The following BSN variants were observed in gnomAD, a reference collection of about 807,000 sequenced individuals.
BSN encodes the protein bassoon presynaptic cytomatrix protein, also known as protein bassoon.
Under a neutral mutation model 264.8 loss-of-function variants are expected in BSN, and 57 were observed. The observed-to-expected ratio is 0.22, with a 90% CI of 0.17 to 0.27. The LOEUF (loss-of-function observed/expected upper bound fraction) is 0.27. BSN is among the 10% of genes least tolerant of loss of function. BSN has a pLI of 1.00. For missense variants in BSN, 4,615 were observed against 5,232.5 expected (o/e 0.88, Z 3.64); for synonymous variants, 2,059 against 2,137.3 (o/e 0.96, Z 1.01).
chr3:49,577,787 G>A (rs1002860024), intron 1 of BSN, among the ~76,000 whole-genome samples: 1 of 152,060 alleles, frequency 6.6e-6, no homozygotes, highest in Non-Finnish European at 1.5e-5. Context: ...TAATCCACCC[G>A]CCTCGGCCTC....
chr3:49,643,134 A>C lies in BSN; in HGVS notation c.1500A>C (p.Pro500=). The C allele has an allele frequency of 3.1e-6, 5 of 1,609,014 alleles. No individual in the cohort carries two copies. Among genetic ancestry groups the C allele is most frequent in the South Asian group, 2.2e-5 (2 of 90,952 alleles). The change falls in exon 3 of 12, where the codon CCA becomes CCC. Residue 500 remains proline, a synonymous_variant. Coordinates refer to ENST00000296452, the MANE Select transcript of BSN (RefSeq NM_003458.4). The part of the protein sequence containing the change: ...LQVCNLCGFN[P]TPHLVEKTEW... ...TGTGCAACCTGTGTGGCTTCAACCC[A>C]ACACCCCACCTGGTGGAGGTAAGAG...
At position 49,653,237 on chromosome 3, in the gene BSN, C is replaced by A; in HGVS notation, c.3681C>A (p.Phe1227Leu). ...CAGGCCCCCGGGGCCTGGGCTCCTTCGAATATCAAGACACTACAGACCGTG... is the reference window on the plus strand; with the variant it reads ...CAGGCCCCCGGGGCCTGGGCTCCTTAGAATATCAAGACACTACAGACCGTG... ...QPTGPRGLGS[F>L]EYQDTTDREY... Residue 1227 changes from phenylalanine (F) to leucine (L), a missense_variant, in exon 5 of 12, where the codon TTC (phenylalanine) becomes TTA (leucine). Coordinates refer to ENST00000296452, the MANE Select transcript of BSN (RefSeq NM_003458.4). The surrounding 1 kb of genome is among the most constrained non-coding windows in gnomAD (Gnocchi z 6.3). 1 of 1,612,466 alleles carries A rather than the reference C, an allele frequency of 6.2e-7. No individual in the cohort carries two copies.
intron 1 of BSN, among the ~76,000 whole-genome samples, chr3:49,588,445 T>C (rs533939069): frequency 6.6e-6 from 1 of 152,184 alleles, no homozygotes; most frequent in African/African-American, 2.4e-5. Context: ...TTGAGGTATG[T>C]TCCTTCTATC....
At position 49,656,528 on chromosome 3, in the gene BSN, A is replaced by C. The variant is rs763641865; in HGVS notation, c.6972A>C (p.Gly2324=). Residue 2324 remains glycine (G), a synonymous_variant, in exon 5 of 12, where the codon GGA becomes GGC. Transcript: ENST00000296452. ...TTPAAIKEAA[G]APAPAPLAGQ... ...CTGCTGCCATCAAGGAGGCTGCAGG[A>C]GCCCCAGCTCCTGCCCCACTAGCTG... 6.4e-7 allele frequency: 1 copy of C among 1,570,952 alleles called. No homozygotes were observed. The highest frequency in any genetic ancestry group is 8.6e-7 in the Non-Finnish European group (1 of 1,158,038).
In BSN at chr3:49,642,523, C is replaced by A; in HGVS notation, c.889C>A (p.Pro297Thr). Residue 297 changes from proline (P) to threonine (T), a missense_variant, in exon 3 of 12, where the codon CCA becomes ACA. Transcript: ENST00000296452. The surrounding 1 kb of genome is among the most constrained non-coding windows in gnomAD (Gnocchi z 7.0). The part of the protein sequence containing the change: ...VPGPAQAAAP[P>T]EVGRVSPQPP... ...GGGGCCTGCCCAAGCAGCTGCCCCT[C>A]CAGAGGTGGGGAGGGTGTCTCCTCA... 1 of 1,579,764 alleles carries A rather than the reference C, an allele frequency of 6.3e-7. No individual in the cohort carries two copies. The highest frequency in any genetic ancestry group is 8.6e-7 in the Non-Finnish European group (1 of 1,161,404).
At chr3:49,606,583 G>C (rs1000132681) in intron 1 of BSN, among the ~76,000 whole-genome samples, 2 of 151,744 alleles carry the variant, frequency 1.3e-5, no homozygotes, top group Non-Finnish European at 2.9e-5. Flanking sequence ...GCAGCCCAGT[G>C]CCAGGGACCG....
At chr3:49,608,883 G>C (rs575607284) in intron 1 of BSN, among the ~76,000 whole-genome samples, 38 of 151,706 alleles carry the variant, frequency 2.5e-4, no homozygotes, top group Admixed American at 2.5e-3. Flanking sequence ...CTTAGCATCA[G>C]CCCTGTCTGG....
chr3:49,624,992 A>T lies in BSN; in HGVS notation c.242A>T (p.Asp81Val). ...PGPGSTSRRL[D>V]PKEPLGNQRA... ...CATTTCAGCACTTCCCGGAGACTGG[A>T]CCCCAAGGAACCCCTGGGTAACCAG... Residue 81 changes from aspartate to valine, a missense_variant, in exon 2 of 12, where the codon GAC becomes GTC. This residue lies in a region of BSN where 1,197 missense variants were observed against 1,348.0 expected (regional missense o/e 0.89). Coordinates refer to ENST00000296452, the MANE Select transcript of BSN (RefSeq NM_003458.4). 6.5e-7 allele frequency: 1 copy of T among 1,528,652 alleles called. No individual in the cohort carries two copies. The highest frequency in any genetic ancestry group is 8.8e-7 in the Non-Finnish European group (1 of 1,139,790). 94.7% of individuals were successfully genotyped at this position (1,528,652 alleles called of 1,614,324 possible). A position where few individuals can be genotyped will look rare whatever the true frequency, so the allele number is the denominator to read the frequency against.
At chr3:49,613,318 G>GAGAGAA (rs2052225035) in intron 1 of BSN, among the ~76,000 whole-genome samples, 1 of 143,704 alleles carries the variant, frequency 7.0e-6, no homozygotes, top group Non-Finnish European at 1.5e-5. Flanking sequence ...GAGAGAGAGA[G>GAGAGAA]AGAGAGAGAG....
At chr3:49,621,205 A>G (rs1260290932) in intron 1 of BSN, among the ~76,000 whole-genome samples, 1 of 152,202 alleles carries the variant, frequency 6.6e-6, no homozygotes, top group Non-Finnish European at 1.5e-5. Flanking sequence ...TGGAGTTGGC[A>G]GTTAGACAGG....
chr3:49,600,646 T>C (rs1454330042), intron 1 of BSN, among the ~76,000 whole-genome samples: 1 of 135,374 alleles, frequency 7.4e-6, no homozygotes, highest in Non-Finnish European at 1.6e-5. Flanking sequence ...AAAATAAAAA[T>C]AAAAAAAATT....
chr3:49,590,477 C>A (rs955417547), intron 1 of BSN, among the ~76,000 whole-genome samples: 1 of 151,622 alleles, frequency 6.6e-6, no homozygotes, highest in Non-Finnish European at 1.5e-5. Context: ...TAATTTACTA[C>A]TTTTTTTTAT....
In BSN at chr3:49,638,292, G is replaced by A. The variant is rs534855557; in HGVS notation, c.634-3976G>A. 8.9e-6 allele frequency among the ~76,000 whole-genome samples: 1 copy of A among 111,834 alleles called. No individual in the cohort carries two copies. The highest frequency in any genetic ancestry group is 1.4e-4 in the Admixed American group (1 of 7,026). 73.4% of individuals were successfully genotyped at this position (111,834 alleles called of 152,430 possible). ...TGGAGTCTGCCACAGAACTATTCAT[G>A]TATACCCAGGCTGGGTGGGCGGGTG... On this transcript the variant is annotated intron_variant, in intron 2 of 11. Transcript: ENST00000296452. The surrounding 1 kb of genome is among the most constrained non-coding windows in gnomAD (Gnocchi z 4.3).
intron 1 of BSN, among the ~76,000 whole-genome samples, chr3:49,589,914 T>A (rs1390030511): frequency 2.6e-4 from 37 of 143,430 alleles, no homozygotes; most frequent in Middle Eastern, 8.3e-3. Flanking sequence ...CTCAGCTCAC[T>A]GCAACCTCCG....
rs1355100997 is a variant in BSN at position 49,671,427 on chromosome 3, G to A, written c.*3942G>A. 1 of 152,620 alleles carries A rather than the reference G, an allele frequency of 6.6e-6. No individual in the cohort carries two copies. The highest frequency in any genetic ancestry group is 1.5e-5 in the Non-Finnish European group (1 of 68,052). 9.5% of individuals were successfully genotyped at this position (152,620 alleles called of 1,614,324 possible). A position where few individuals can be genotyped will look rare whatever the true frequency, so the allele number is the denominator to read the frequency against. On this transcript the variant is annotated 3_prime_UTR_variant, in exon 12 of 12. Transcript: ENST00000296452. This position sits in a 1 kb window ranked among gnomAD's most constrained non-coding sequence, Gnocchi z 4.1. ...TGACCCGAGTCCTCCACATGACCTT[G>A]TGAATTGTGTGCTGTCCTTCTGTGC... is the stretch of plus-strand genomic sequence containing the variant.
chr3:49,584,926 A>C (rs1171848111), intron 1 of BSN, among the ~76,000 whole-genome samples: 10 of 152,194 alleles, frequency 6.6e-5, no homozygotes, highest in Admixed American at 6.5e-4. Flanking sequence ...CATTTAACAT[A>C]ATGATCTCTA....
chr3:49,648,617 G>A (rs1002856515), intron 3 of BSN, among the ~76,000 whole-genome samples: 3 of 152,234 alleles, frequency 2.0e-5, no homozygotes, highest in Admixed American at 6.5e-5. Context: ...CCCATGTCCT[G>A]TTCATCTGGG....
chr3:49,596,185 A>ACGAGG (rs2052020963), intron 1 of BSN, among the ~76,000 whole-genome samples: 1 of 152,130 alleles, frequency 6.6e-6, no homozygotes, highest in South Asian at 2.1e-4. Flanking sequence ...TGGGTGGATC[A>ACGAGG]CGAGGTCAGG....
At position 49,657,815 on chromosome 3, in the gene BSN, G is replaced by A. The variant is rs1487815699; in HGVS notation, c.8259G>A (p.Gly2753=). The A allele has an allele frequency of 6.3e-7, 1 of 1,596,660 alleles. No homozygotes were observed. The highest frequency in any genetic ancestry group is 2.2e-5 in the East Asian group (1 of 44,752). Residue 2753 remains glycine, a synonymous_variant, in exon 5 of 12, where the codon GGG becomes GGA. Coordinates refer to ENST00000296452, the MANE Select transcript of BSN (RefSeq NM_003458.4). The part of the protein sequence containing the change: ...YLPGIQIVTP[G]PLGRFEKKKP... ...CTGGCATCCAGATCGTCACCCCAGG[G>A]CCTCTGGGCAGATTTGAAAAAAAGA... is the stretch of plus-strand genomic sequence containing the variant.
Sources: allele counts gnomAD v4.1 joint callset (sites outside exome capture counted in the v4.1 genomes callset), GRCh38; gene constraint gnomAD v4.1.1; regional missense constraint gnomAD v4.1.1; non-coding constraint Gnocchi (gnomAD v3.1); transcripts MANE v1.5; gene names NCBI Gene and HGNC (gene_info 2026-07-23, HGNC 2026-07-21).